VPS37A: variants seen among roughly 807,000 people sequenced by gnomAD.
VPS37A encodes vacuolar protein sorting-associated protein 37A.
A neutral mutation model predicts 49.8 loss-of-function variants in VPS37A; 30 were observed. The ratio of observed to expected loss-of-function variants is 0.60; its 90% CI spans 0.45 to 0.82. The LOEUF is 0.82. Among genes scored for constraint, VPS37A ranks in the 40% least tolerant of loss-of-function variants. VPS37A has a pLI of 0.00. For missense variants in VPS37A, 593 were observed against 464.4 expected (o/e 1.28, Z -2.55); for synonymous variants, 195 against 160.6 (o/e 1.21, Z -1.62).
chr8:17,301,178 G>GAGAT (rs142513946), downstream of VPS37A, among the ~76,000 whole-genome samples: 42 of 152,362 alleles, frequency 2.8e-4, 1 homozygote, highest in South Asian at 8.3e-4. Context: ...GTGAGGAAAA[G>GAGAT]AGATAGATAA....
chr8:17,319,151 G>A, the VPS37A span, among the ~76,000 whole-genome samples: 2 of 152,188 alleles, frequency 1.3e-5, no homozygotes, highest in African/African-American at 2.4e-5. Context: ...ATGTTTAAGG[G>A]CTTCAGAGGC....
At chr8:17,267,222 C>T (rs971774981) in intron 2 of VPS37A, among the ~76,000 whole-genome samples, 12 of 152,122 alleles carry the variant, frequency 7.9e-5, no homozygotes, top group South Asian at 2.1e-4. Flanking sequence ...GTAGTTTTAT[C>T]TCTCATCAAA....
chr8:17,258,735 A>G (rs1812708616), intron 1 of VPS37A, among the ~76,000 whole-genome samples: 1 of 152,120 alleles, frequency 6.6e-6, no homozygotes, highest in African/African-American at 2.4e-5. Flanking sequence ...CAGCGAAGCT[A>G]TCAGGTCCTC....
At chr8:17,262,132 G>T (rs1345846143) in intron 1 of VPS37A, among the ~76,000 whole-genome samples, 1 of 152,086 alleles carries the variant, frequency 6.6e-6, no homozygotes. Flanking sequence ...GGCATCACAG[G>T]TATGGAAGTC....
At chr8:17,253,208 A>T (rs1434666703) in intron 1 of VPS37A, among the ~76,000 whole-genome samples, 1 of 152,076 alleles carries the variant, frequency 6.6e-6, no homozygotes, top group Non-Finnish European at 1.5e-5. Context: ...CTCCTTCCAA[A>T]CCATTTCTGC....
chr8:17,328,111 G>A, the VPS37A span, among the ~76,000 whole-genome samples: 1 of 152,114 alleles, frequency 6.6e-6, no homozygotes, highest in African/African-American at 2.4e-5. Flanking sequence ...AGCTACTCGT[G>A]GGGAGAAAGT....
chr8:17,252,971 T>A (rs770482140), intron 1 of VPS37A, among the ~76,000 whole-genome samples: 4 of 152,190 alleles, frequency 2.6e-5, no homozygotes, highest in Non-Finnish European at 4.4e-5. Context: ...TTTGACACAT[T>A]AAATTATATT....
the VPS37A span, among the ~76,000 whole-genome samples, chr8:17,322,067 G>A: frequency 2.6e-5 from 4 of 152,160 alleles, no homozygotes; most frequent in African/African-American, 9.7e-5. Context: ...CTTGTACCCT[G>A]AGATCTGAAG....
rs1816682589 is a variant in VPS37A at position 17,296,833 on chromosome 8, A to C, written c.*1847A>C. On this transcript the variant is annotated 3_prime_UTR_variant, in exon 12 of 12. Coordinates refer to ENST00000324849, the MANE Select transcript of VPS37A (RefSeq NM_152415.3). ...GTTTTTTATTCTTTAAAGTTGAACT[A>C]TCCCAGTTTCATTCTATACCATTCA... is the stretch of plus-strand genomic sequence containing the variant. 1 of 152,202 alleles carries C rather than the reference A, an allele frequency of 6.6e-6. No individual in the cohort carries two copies. Among genetic ancestry groups the C allele is most frequent in the Non-Finnish European group, 1.5e-5 (1 of 68,028 alleles). 9.4% of individuals were successfully genotyped at this position (152,202 alleles called of 1,614,324 possible). A position where few individuals can be genotyped will look rare whatever the true frequency, so the allele number is the denominator to read the frequency against.
chr8:17,247,403 A>ATG, intron 1 of VPS37A, 34 bp downstream of exon 1: 1 of 139,960 alleles, frequency 7.1e-6, no homozygotes, highest in African/African-American at 6.1e-5. Flanking sequence ...CGGAGGAAAA[A>ATG]GTAGGGTGGG....
At chr8:17,328,977 T>G in the VPS37A span, among the ~76,000 whole-genome samples, 1 of 152,360 alleles carries the variant, frequency 6.6e-6, no homozygotes, top group African/African-American at 2.4e-5. Flanking sequence ...GTCCTAGATT[T>G]CAGTTTCTGA....
intron 3 of VPS37A, among the ~76,000 whole-genome samples, 188 bp from the exon 4 acceptor site, chr8:17,268,668 A>G (rs928296271): frequency 6.6e-6 from 1 of 152,176 alleles, no homozygotes; most frequent in Non-Finnish European, 1.5e-5. Flanking sequence ...TAACCTGTTT[A>G]CTAATCACCA....
In VPS37A at chr8:17,247,023, T is replaced by G; in HGVS notation, c.-222T>G. The G allele has an allele frequency of 1.6e-6, 1 of 608,396 alleles. No homozygotes were observed. Among genetic ancestry groups the G allele is most frequent in the Non-Finnish European group, 2.8e-6 (1 of 351,728 alleles). 37.7% of individuals were successfully genotyped at this position (608,396 alleles called of 1,614,324 possible). ...TGGGCCGTGAAGGTGGGACCTCCTGTTCCGGGCCGCAAGTTTCCCTCTCCA... is the reference window on the plus strand; with the variant it reads ...TGGGCCGTGAAGGTGGGACCTCCTGGTCCGGGCCGCAAGTTTCCCTCTCCA... On this transcript the variant is annotated 5_prime_UTR_variant, in exon 1 of 12. Transcript: ENST00000324849.
At chr8:17,270,777 A>G (rs1396487131) in intron 4 of VPS37A, among the ~76,000 whole-genome samples, 3 of 152,184 alleles carry the variant, frequency 2.0e-5, no homozygotes, top group Non-Finnish European at 2.9e-5. Context: ...CTATAGGTGA[A>G]TAGGCACACT....
chr8:17,272,619 T>A (rs1814098642), intron 4 of VPS37A, among the ~76,000 whole-genome samples: 1 of 152,206 alleles, frequency 6.6e-6, no homozygotes, highest in South Asian at 2.1e-4. Flanking sequence ...TCAGAATTAT[T>A]GATTTAAATT....
At chr8:17,248,195 G>A (rs1338064254) in intron 1 of VPS37A, 1 of 392,454 alleles carries the variant, frequency 2.5e-6, no homozygotes, top group African/African-American at 2.1e-5. Flanking sequence ...CATTTTGCAA[G>A]TATATTTACT....
At chr8:17,310,228 G>A in the VPS37A span, among the ~76,000 whole-genome samples, 2 of 151,852 alleles carry the variant, frequency 1.3e-5, no homozygotes, top group Admixed American at 1.3e-4. Context: ...CTCAAACTCT[G>A]GGGCTCCAGC....
chr8:17,323,662 T>G, the VPS37A span, among the ~76,000 whole-genome samples: 1 of 152,156 alleles, frequency 6.6e-6, no homozygotes, highest in South Asian at 2.1e-4. Context: ...GGGGGGTCAT[T>G]CCACACACCT....
At chr8:17,254,200 G>A (rs149479585) in intron 1 of VPS37A, among the ~76,000 whole-genome samples, 21 of 152,242 alleles carry the variant, frequency 1.4e-4, no homozygotes, top group Admixed American at 4.6e-4. Flanking sequence ...GTTTGCCATA[G>A]TCTGCTTCTG....
Sources: allele counts gnomAD v4.1 joint callset (sites outside exome capture counted in the v4.1 genomes callset), GRCh38; gene constraint gnomAD v4.1.1; transcripts MANE v1.5; gene names NCBI Gene and HGNC (gene_info 2026-07-23, HGNC 2026-07-21).